CCDC15: variants seen among roughly 807,000 people sequenced by gnomAD.
CCDC15 encodes the protein coiled-coil domain-containing protein 15.
Under a neutral mutation model 114.5 loss-of-function variants are expected in CCDC15, and 105 were observed. The observed-to-expected ratio is 0.92, with a 90% CI of 0.78 to 1.08. The LOEUF (loss-of-function observed/expected upper bound fraction) is 1.08. Ranked by LOEUF, CCDC15 falls within the 50% of genes least tolerant of loss-of-function variation. CCDC15 has a pLI of 0.00. For missense variants in CCDC15, 1,105 were observed against 1,093.6 expected, an observed-to-expected ratio of 1.01 and a Z score of -0.15; for synonymous variants, 334 against 377.8, an observed-to-expected ratio of 0.88 and a Z score of 1.34.
chr11:125,030,241 G>A (rs545374877), intron 13 of CCDC15, among the ~76,000 whole-genome samples: 27 of 152,254 alleles, frequency 1.8e-4, no homozygotes, highest in East Asian at 5.8e-4. Context: ...GATTCAGAGC[G>A]TACACAGCCT....
At chr11:125,011,348 C>T (rs1382538699) in intron 13 of CCDC15, among the ~76,000 whole-genome samples, 1 of 151,870 alleles carries the variant, frequency 6.6e-6, no homozygotes, top group Non-Finnish European at 1.5e-5. Context: ...AGCGATTCTC[C>T]TGCCTCAGCT....
At chr11:124,997,549 A>G (rs1212486943) in intron 11 of CCDC15, among the ~76,000 whole-genome samples, 1 of 152,152 alleles carries the variant, frequency 6.6e-6, no homozygotes. Flanking sequence ...TCAGCCTCCC[A>G]AAGTGTTAGG....
At chr11:125,012,599 T>C (rs1219718908) in intron 13 of CCDC15, among the ~76,000 whole-genome samples, 1 of 152,076 alleles carries the variant, frequency 6.6e-6, no homozygotes, top group Non-Finnish European at 1.5e-5. Flanking sequence ...TTAGAGAAAA[T>C]ATTACACTTT....
intron 13 of CCDC15, among the ~76,000 whole-genome samples, chr11:125,033,163 T>C (rs1476326483): frequency 6.6e-6 from 1 of 152,234 alleles, no homozygotes; most frequent in Non-Finnish European, 1.5e-5. Flanking sequence ...TCTGTTTTTA[T>C]ATTTAAAATT....
rs780210764 is a variant in CCDC15, at chr11:125,038,857, TC to T, written c.2586-63del. On this transcript the variant is annotated intron_variant, in intron 14 of 15. Coordinates refer to ENST00000344762, the MANE Select transcript of CCDC15 (RefSeq NM_025004.3). Reference sequence around the variant, plus strand: ...TTAACAGTTAAATCTGGCTGTAAAATCAGGATTCATACTCACTTTCTTTTTA... The same window carrying T: ...TTAACAGTTAAATCTGGCTGTAAAATAGGATTCATACTCACTTTCTTTTTA... 5.2e-6 allele frequency: 8 copies of T among 1,526,522 alleles called. No homozygotes were observed. The Admixed American group carries it at 1.5e-4, about 28-fold the overall frequency. 94.6% of individuals were successfully genotyped at this position (1,526,522 alleles called of 1,614,324 possible).
At chr11:125,027,803 T>G (rs1449064577) in intron 13 of CCDC15, among the ~76,000 whole-genome samples, 1 of 152,156 alleles carries the variant, frequency 6.6e-6, no homozygotes, top group Non-Finnish European at 1.5e-5. Context: ...CCATGAATTC[T>G]TTGCCTAAGC....
At position 124,987,799 on chromosome 11, in the gene CCDC15, C is replaced by T; in HGVS notation, c.1573C>T (p.Pro525Ser). 6.2e-7 allele frequency: 1 copy of T among 1,605,432 alleles called. No homozygotes were observed. Among genetic ancestry groups the T allele is most frequent in the African/African-American group, 1.3e-5 (1 of 74,606 alleles). The change falls in exon 8 of 16, where the codon CCT becomes TCT. Residue 525 changes from proline (P) to serine (S), a missense_variant. Pro to Ser is a moderately conservative substitution (Grantham distance 74). Coordinates refer to ENST00000344762, the MANE Select transcript of CCDC15 (RefSeq NM_025004.3). ...HVLPKDQNIL[P>S]KYQGQDFLPK... ...TCTCCCCAAAGACCAGAATATTCTA[C>T]CTAAATATCAAGGCCAGGATTTTCT...
At chr11:124,995,547 G>C (rs35842070) in intron 11 of CCDC15, among the ~76,000 whole-genome samples, 40,525 of 151,962 alleles carry the variant, frequency 0.27, 6,398 homozygotes, top group African/African-American at 0.44. Context: ...TATTGAGCAC[G>C]TTTTAGGTGT....
intron 4 of CCDC15, among the ~76,000 whole-genome samples, chr11:124,973,339 A>G (rs1009437376): frequency 2.0e-5 from 3 of 151,672 alleles, no homozygotes; most frequent in Non-Finnish European, 4.4e-5. Context: ...AAAAGGAGGC[A>G]TAGTCATGGG....
At chr11:124,979,710 A>G (rs1251206016) in intron 6 of CCDC15, among the ~76,000 whole-genome samples, 1 of 152,222 alleles carries the variant, frequency 6.6e-6, no homozygotes, top group Non-Finnish European at 1.5e-5. Context: ...TATCTTCTGC[A>G]AATAGGGATA....
intron 9 of CCDC15, 31 bp downstream of exon 9, chr11:124,991,614 A>T (rs764391662): frequency 3.8e-6 from 6 of 1,565,316 alleles, no homozygotes; most frequent in Non-Finnish European, 4.3e-6. Flanking sequence ...ATAAACAGGA[A>T]GGAAGTACCC....
chr11:125,007,540 G>T (rs972603653), intron 13 of CCDC15, among the ~76,000 whole-genome samples: 2 of 152,140 alleles, frequency 1.3e-5, no homozygotes, highest in Non-Finnish European at 2.9e-5. Flanking sequence ...AGTAAACATG[G>T]GGATACAGGT....
In CCDC15 at chr11:124,969,507, A is replaced by G. The variant is rs78503326; in HGVS notation, c.517-5589A>G. 1.6e-4 allele frequency among the ~76,000 whole-genome samples: 24 copies of G among 152,234 alleles called. No individual in the cohort carries two copies. The East Asian group carries it at 3.9e-3, about 25-fold the overall frequency. ...TTGATCTGTCCCTATTCAGTTTGCTACTGTTTTCTAGCATGGTTTATTCCA... is the reference window on the plus strand; with the variant it reads ...TTGATCTGTCCCTATTCAGTTTGCTGCTGTTTTCTAGCATGGTTTATTCCA... On this transcript the variant is annotated intron_variant, in intron 4 of 15. Transcript: ENST00000344762.
Position 124,958,974 on chromosome 11 carries a change from A to C in CCDC15, c.178-141A>C, listed in dbSNP as rs939769578. Reference sequence around the variant, plus strand: ...ATAAAAAATTTAAGATTTGATACTCATACATTCCATTTTTTTTTGTACAGA... The same window carrying C: ...ATAAAAAATTTAAGATTTGATACTCCTACATTCCATTTTTTTTTGTACAGA... On this transcript the variant is annotated intron_variant, in intron 2 of 15. Coordinates refer to ENST00000344762, the MANE Select transcript of CCDC15 (RefSeq NM_025004.3). 7.6e-6 allele frequency: 4 copies of C among 524,794 alleles called. No individual in the cohort carries two copies. The African/African-American group carries it at 8.1e-5, about 11-fold the overall frequency. 32.5% of individuals were successfully genotyped at this position (524,794 alleles called of 1,614,324 possible). A position where few individuals can be genotyped will look rare whatever the true frequency, so the allele number is the denominator to read the frequency against.
At chr11:125,016,086 T>A (rs1948627546) in intron 13 of CCDC15, among the ~76,000 whole-genome samples, 2 of 152,206 alleles carry the variant, frequency 1.3e-5, no homozygotes, top group South Asian at 4.1e-4. Context: ...TTTCCTGTAT[T>A]TCTTAATTTC....
At chr11:124,999,761 G>A (rs1399363862) in intron 11 of CCDC15, among the ~76,000 whole-genome samples, 2 of 151,428 alleles carry the variant, frequency 1.3e-5, no homozygotes, top group Non-Finnish European at 2.9e-5. Flanking sequence ...GGGTCACCCT[G>A]GAGTTGGGAT....
intron 13 of CCDC15, among the ~76,000 whole-genome samples, chr11:125,008,356 A>G (rs990954164): frequency 3.9e-5 from 6 of 152,174 alleles, no homozygotes; most frequent in African/African-American, 1.4e-4. Flanking sequence ...AAAGTGATTG[A>G]CTTTTGTATA....
At chr11:124,968,539 C>T (rs951139036) in intron 4 of CCDC15, among the ~76,000 whole-genome samples, 6 of 152,124 alleles carry the variant, frequency 3.9e-5, no homozygotes, top group Non-Finnish European at 5.9e-5. Flanking sequence ...GGGAGTGTCC[C>T]GATTTTCCAG....
intron 13 of CCDC15, among the ~76,000 whole-genome samples, chr11:125,034,215 G>A (rs949254831): frequency 2.0e-5 from 3 of 152,146 alleles, no homozygotes; most frequent in East Asian, 1.9e-4. Flanking sequence ...TGAGAAAGCT[G>A]TTTCTTCCGG....
Sources: gnomAD v4.1 joint callset for allele counts (sites outside exome capture counted in the v4.1 genomes callset) on GRCh38, gnomAD v4.1.1 for gene constraint, MANE v1.5 for transcripts, NCBI Gene and HGNC (gene_info 2026-07-23, HGNC 2026-07-21) for gene names.